The following BAZ1A variants were observed in gnomAD, a reference collection of about 807,000 sequenced individuals.
BAZ1A encodes bromodomain adjacent to zinc finger domain 1A.
In BAZ1A, 50 loss-of-function variants were observed where a neutral mutation model predicts 185.2. The ratio of observed to expected loss-of-function variants is 0.27; its 90% CI spans 0.22 to 0.34. BAZ1A has a LOEUF of 0.34. Among genes scored for constraint, BAZ1A ranks in the 10% least tolerant of loss-of-function variants. The pLI is 1.00. For synonymous variants in BAZ1A, 571 were observed against 615.6 expected, an observed-to-expected ratio of 0.93 and a Z score of 1.07; for missense variants, 1,356 against 1,839.9, an observed-to-expected ratio of 0.74 and a Z score of 4.81.
intron 4 of BAZ1A, among the ~76,000 whole-genome samples, chr14:34,813,682 T>G (rs1241800443): frequency 6.6e-6 from 1 of 151,512 alleles, no homozygotes; most frequent in Non-Finnish European, 1.5e-5. Context: ...AAACTCCGTC[T>G]TCAAAATAAT....
At chr14:34,822,549 G>C (rs2042104041) in intron 4 of BAZ1A, among the ~76,000 whole-genome samples, 1 of 152,124 alleles carries the variant, frequency 6.6e-6, no homozygotes, top group East Asian at 1.9e-4. Context: ...GGAGGTCGAG[G>C]CTGCAGTGAA....
At chr14:34,873,276 A>G (rs903911974) in intron 2 of BAZ1A, among the ~76,000 whole-genome samples, 1 of 152,130 alleles carries the variant, frequency 6.6e-6, no homozygotes, top group African/African-American at 2.4e-5. Flanking sequence ...CTTGGTTGCT[A>G]TTACACTTGG....
intron 3 of BAZ1A, among the ~76,000 whole-genome samples, chr14:34,846,429 A>T (rs1452528652): frequency 6.6e-6 from 1 of 152,222 alleles, no homozygotes; most frequent in Non-Finnish European, 1.5e-5. Context: ...TGCTCCTGAT[A>T]GCCACTACAA....
intron 4 of BAZ1A, among the ~76,000 whole-genome samples, chr14:34,819,280 T>G (rs983512032): frequency 6.6e-6 from 1 of 151,590 alleles, no homozygotes; most frequent in African/African-American, 2.4e-5. Context: ...TTGGAACATA[T>G]CCCCCATGGA....
At chr14:34,854,208 C>CT (rs746439660) in intron 3 of BAZ1A, among the ~76,000 whole-genome samples, 2 of 152,188 alleles carry the variant, frequency 1.3e-5, no homozygotes, top group Non-Finnish European at 2.9e-5. Context: ...GGGTGGATCA[C>CT]TTGAGGTCAG....
At chr14:34,822,439 C>T (rs1379758501) in intron 4 of BAZ1A, among the ~76,000 whole-genome samples, 1 of 152,114 alleles carries the variant, frequency 6.6e-6, no homozygotes, top group Non-Finnish European at 1.5e-5. Context: ...GCCTGAGCAA[C>T]ATGATGAAAC....
intron 17 of BAZ1A, among the ~76,000 whole-genome samples, chr14:34,778,506 T>C (rs1361066922): frequency 3.9e-5 from 6 of 152,356 alleles, no homozygotes; most frequent in African/African-American, 1.4e-4. Context: ...TTTGGCAGAA[T>C]TCACCTATAA....
At chr14:34,844,168 T>C (rs1487763228) in intron 3 of BAZ1A, among the ~76,000 whole-genome samples, 5 of 134,648 alleles carry the variant, frequency 3.7e-5, no homozygotes. Flanking sequence ...ATCGCGCCAC[T>C]GCACTCCAGC....
intron 2 of BAZ1A, among the ~76,000 whole-genome samples, chr14:34,866,109 A>C (rs1175658336): frequency 1.3e-5 from 2 of 151,840 alleles, no homozygotes; most frequent in African/African-American, 2.4e-5. Flanking sequence ...GAGCACCTGA[A>C]CCCAGGAGTT....
intron 24 of BAZ1A, among the ~76,000 whole-genome samples, chr14:34,759,196 T>TG (rs1382700547): frequency 1.8e-5 from 2 of 109,242 alleles, no homozygotes; most frequent in African/African-American, 3.2e-5. Context: ...TTTTTTTTTT[T>TG]TTGAGATGGA....
intron 2 of BAZ1A, among the ~76,000 whole-genome samples, chr14:34,869,463 TTTC>T (rs2042918433): frequency 6.6e-6 from 1 of 152,200 alleles, no homozygotes; most frequent in African/African-American, 2.4e-5. Context: ...TCTGAAGATA[TTTC>T]TTCTTGTCAG....
rs771315293 is a variant in BAZ1A at position 34,875,319 on chromosome 14, C to T, written c.-240G>A. ...GTCCCACCGCCACTTCCCCGCCTCT[C>T]GGAGCTCCTGGGAAGTTTCTGATCT... On this transcript the variant is annotated 5_prime_UTR_variant, in exon 1 of 27. Coordinates refer to ENST00000360310, the MANE Select transcript of BAZ1A (RefSeq NM_013448.3). 1 of 456,018 alleles carries T rather than the reference C, an allele frequency of 2.2e-6. No individual in the cohort carries two copies. The highest frequency in any genetic ancestry group is 1.5e-5 in the South Asian group (1 of 64,568). The allele number at this position is 456,018 out of a possible 1,614,324, so 28.2% of individuals were successfully genotyped here. A position where few individuals can be genotyped will look rare whatever the true frequency, so the allele number is the denominator to read the frequency against.
chr14:34,846,366 C>A (rs1458655449), intron 3 of BAZ1A, among the ~76,000 whole-genome samples: 1 of 150,970 alleles, frequency 6.6e-6, no homozygotes, highest in Admixed American at 6.6e-5. Flanking sequence ...TAAAAACTAA[C>A]CACTCTCACC....
At chr14:34,772,247 C>G (rs542211795) in intron 20 of BAZ1A, among the ~76,000 whole-genome samples, 1 of 152,230 alleles carries the variant, frequency 6.6e-6, no homozygotes, top group East Asian at 1.9e-4. Context: ...AGCCACTGCG[C>G]CTGGCCTAAA....
At chr14:34,767,605 C>T (rs1178774736) in intron 21 of BAZ1A, among the ~76,000 whole-genome samples, 2 of 152,144 alleles carry the variant, frequency 1.3e-5, no homozygotes, top group Non-Finnish European at 2.9e-5. Flanking sequence ...TGATTTATTT[C>T]TCCCCTGTCA....
chr14:34,753,400 C>T lies in BAZ1A; in HGVS notation c.*108G>A. ...AAAATTGAGAATATAGTGCAGGCCA[C>T]ACTTTCATGTGGTCAATCAATTGTT... On this transcript the variant is annotated 3_prime_UTR_variant, in exon 27 of 27. Coordinates refer to ENST00000360310, the MANE Select transcript of BAZ1A (RefSeq NM_013448.3). The T allele has an allele frequency of 9.1e-7, 1 of 1,092,930 alleles. No homozygotes were observed. Among genetic ancestry groups the T allele is most frequent in the South Asian group, 1.4e-5 (1 of 69,512 alleles). The allele number at this position is 1,092,930 out of a possible 1,614,324, so 67.7% of individuals were successfully genotyped here.
At chr14:34,830,679 TAA>T in intron 3 of BAZ1A, among the ~76,000 whole-genome samples, 2 of 151,508 alleles carry the variant, frequency 1.3e-5, no homozygotes, top group Admixed American at 1.3e-4. Flanking sequence ...ATAAAGTCAT[TAA>T]AAAAAGAGTT....
chr14:34,802,747 G>T, intron 7 of BAZ1A, 107 bp downstream of exon 7: 1 of 1,230,562 alleles, frequency 8.1e-7, no homozygotes, highest in Non-Finnish European at 1.1e-6. Context: ...GAGGTAATGA[G>T]TTTCTTCCTC....
intron 2 of BAZ1A, among the ~76,000 whole-genome samples, chr14:34,868,782 C>T (rs1413890184): frequency 6.6e-6 from 1 of 150,700 alleles, no homozygotes; most frequent in Non-Finnish European, 1.5e-5. Flanking sequence ...GCCTGGGCGA[C>T]ACAGTGAGAC....
Sources: gnomAD v4.1 joint callset for allele counts (sites outside exome capture counted in the v4.1 genomes callset) on GRCh38, gnomAD v4.1.1 for gene constraint, MANE v1.5 for transcripts, NCBI Gene and HGNC (gene_info 2026-07-23, HGNC 2026-07-21) for gene names.